FNDC3A: variants seen among roughly 807,000 people sequenced by gnomAD.
FNDC3A encodes fibronectin type III domain containing 3A.
FNDC3A carries 32 observed loss-of-function variants against 148.9 expected under a neutral mutation model. That is an observed-to-expected ratio of 0.21 (90% CI 0.16 to 0.29). The LOEUF is 0.29. Ranked by LOEUF, FNDC3A falls within the 10% of genes least tolerant of loss-of-function variation. The pLI is 1.00. For synonymous variants in FNDC3A, 472 were observed against 473.6 expected, an observed-to-expected ratio of 1.00 and a Z score of 0.04; for missense variants, 1,191 against 1,452.8, an observed-to-expected ratio of 0.82 and a Z score of 2.93.
intron 1 of FNDC3A, among the ~76,000 whole-genome samples, chr13:48,978,513 G>GTT (rs949466866): frequency 2.7e-5 from 4 of 146,578 alleles, no homozygotes; most frequent in Admixed American, 1.4e-4. Context: ...AACCAAAAAC[G>GTT]TTTTTTTTTT....
chr13:49,207,612 G>T lies in FNDC3A; in HGVS notation c.*217G>T. ...TATCAATTTTGTTTTTTTTGTTAGG[G>T]TGGGTCTTCTTTTTTTCTTTCCCTC... On this transcript the variant is annotated 3_prime_UTR_variant, in exon 26 of 26. Transcript: ENST00000492622. 4.8e-6 allele frequency: 2 copies of T among 419,310 alleles called. No individual in the cohort carries two copies. Among genetic ancestry groups the T allele is most frequent in the South Asian group, 5.0e-5 (1 of 19,828 alleles). The allele number at this position is 419,310 out of a possible 1,614,324, so 26.0% of individuals were successfully genotyped here.
chr13:49,187,233 T>C (rs753381628), intron 16 of FNDC3A, 43 bp downstream of exon 16: 10 of 1,338,458 alleles, frequency 7.5e-6, no homozygotes, highest in Middle Eastern at 1.9e-4. Flanking sequence ...TTCCAGCCAG[T>C]CTCTTTCTAT....
chr13:49,044,607 T>C (rs1223603046), intron 2 of FNDC3A: 17 of 185,658 alleles, frequency 9.2e-5, no homozygotes. Context: ...CAGGCAGAGG[T>C]TGCAGTAAGC....
At chr13:49,187,846 G>A (rs963660202) in intron 16 of FNDC3A, among the ~76,000 whole-genome samples, 5 of 151,262 alleles carry the variant, frequency 3.3e-5, no homozygotes, top group African/African-American at 1.2e-4. Context: ...TGAATCAAAT[G>A]TAAGAGTGCT....
chr13:48,996,494 T>A (rs9568143), intron 1 of FNDC3A, among the ~76,000 whole-genome samples: 62,236 of 151,988 alleles, frequency 0.41, 13,401 homozygotes, highest in East Asian at 0.52. Context: ...AGTGTCACTA[T>A]TTACGTAGCA....
intron 2 of FNDC3A, among the ~76,000 whole-genome samples, chr13:49,052,024 T>C (rs1162625764): frequency 6.6e-6 from 1 of 152,022 alleles, no homozygotes; most frequent in East Asian, 1.9e-4. Context: ...TCCAGAAGTT[T>C]TTATTGTTTT....
chr13:49,114,531 T>C (rs1374615564), intron 3 of FNDC3A, 124 bp from the exon 4 acceptor site: 14 of 614,008 alleles, frequency 2.3e-5, no homozygotes, highest in Non-Finnish European at 4.2e-5. Flanking sequence ...TTTCTTTTTA[T>C]AAAAATGTAG....
intron 7 of FNDC3A, among the ~76,000 whole-genome samples, chr13:49,144,686 A>T (rs1352938751): frequency 6.6e-6 from 1 of 152,224 alleles, no homozygotes; most frequent in Non-Finnish European, 1.5e-5. Flanking sequence ...AATATATAAA[A>T]CATAATTGAA....
At chr13:49,003,992 A>G (rs1952175100) in intron 1 of FNDC3A, among the ~76,000 whole-genome samples, 1 of 152,188 alleles carries the variant, frequency 6.6e-6, no homozygotes, top group African/African-American at 2.4e-5. Context: ...TTTGCAGGTC[A>G]ATTTTAAATC....
At chr13:49,163,448 G>T (rs1283911277) in intron 8 of FNDC3A, among the ~76,000 whole-genome samples, 1 of 152,236 alleles carries the variant, frequency 6.6e-6, no homozygotes, top group Non-Finnish European at 1.5e-5. Context: ...CCAGGCCCTG[G>T]ATATAATCTC....
intron 2 of FNDC3A, among the ~76,000 whole-genome samples, chr13:49,015,307 T>C (rs982682027): frequency 1.1e-4 from 16 of 152,210 alleles, no homozygotes; most frequent in African/African-American, 3.1e-4. Flanking sequence ...CTTGAAGAGG[T>C]CCTTCACATC....
chr13:49,120,615 A>G (rs1322732350), intron 4 of FNDC3A, among the ~76,000 whole-genome samples: 7 of 152,114 alleles, frequency 4.6e-5, no homozygotes, highest in Non-Finnish European at 8.8e-5. Flanking sequence ...GCAGAGACAT[A>G]CATAGGCTCA....
chr13:49,130,146 C>T (rs1286431896), intron 4 of FNDC3A, among the ~76,000 whole-genome samples: 1 of 151,558 alleles, frequency 6.6e-6, no homozygotes, highest in Non-Finnish European at 1.5e-5. Context: ...GTCTTTGCAG[C>T]TCTAGTAAGG....
intron 1 of FNDC3A, among the ~76,000 whole-genome samples, chr13:48,989,237 T>C (rs1951864214): frequency 6.6e-6 from 1 of 152,092 alleles, no homozygotes; most frequent in African/African-American, 2.4e-5. Context: ...TTATAACAAA[T>C]CTCCAGATTA....
intron 2 of FNDC3A, among the ~76,000 whole-genome samples, chr13:49,012,917 A>G (rs74860152): frequency 4.0e-5 from 6 of 151,164 alleles, no homozygotes; most frequent in African/African-American, 1.5e-4. Flanking sequence ...ACCTTGCTAT[A>G]CTCTTACTCA....
At chr13:49,015,844 G>A (rs1952486420) in intron 2 of FNDC3A, among the ~76,000 whole-genome samples, 1 of 151,656 alleles carries the variant, frequency 6.6e-6, no homozygotes, top group South Asian at 2.1e-4. Context: ...GGCCTTTTCT[G>A]CATCTATTGA....
chr13:49,047,283 T>C (rs917407629), intron 2 of FNDC3A, among the ~76,000 whole-genome samples: 7 of 152,172 alleles, frequency 4.6e-5, no homozygotes, highest in Admixed American at 2.0e-4. Flanking sequence ...TAAACATGCA[T>C]GTGCAGGTAT....
At chr13:49,122,315 C>G (rs1028203119) in intron 4 of FNDC3A, among the ~76,000 whole-genome samples, 1 of 152,140 alleles carries the variant, frequency 6.6e-6, no homozygotes, top group Non-Finnish European at 1.5e-5. Flanking sequence ...ATGCTAAAAA[C>G]TTTCAATAAA....
chr13:49,098,314 G>T (rs117034759), intron 3 of FNDC3A, among the ~76,000 whole-genome samples: 581 of 152,140 alleles, frequency 3.8e-3, no homozygotes, highest in Middle Eastern at 0.024. Context: ...GTTTGATCCT[G>T]ACAGGATTTG....
Sources: gnomAD v4.1 joint callset for allele counts (sites outside exome capture counted in the v4.1 genomes callset) on GRCh38, gnomAD v4.1.1 for gene constraint, MANE v1.5 for transcripts, NCBI Gene and HGNC (gene_info 2026-07-23, HGNC 2026-07-21) for gene names.